PI4K2B: variants seen among roughly 807,000 people sequenced by gnomAD.
The protein encoded by PI4K2B is phosphatidylinositol 4-kinase type 2 beta.
PI4K2B carries 46 observed loss-of-function variants against 56.6 expected under a neutral mutation model. The ratio of observed to expected loss-of-function variants is 0.81; its 90% CI spans 0.64 to 1.04. The LOEUF is 1.04. Ranked by LOEUF, PI4K2B falls within the 50% of genes least tolerant of loss-of-function variation. PI4K2B has a pLI of 0.00. For missense variants in PI4K2B, 556 were observed against 607.7 expected, an observed-to-expected ratio of 0.91 and a Z score of 0.89; for synonymous variants, 211 against 223.8, an observed-to-expected ratio of 0.94 and a Z score of 0.51.
rs373075217 is a variant in PI4K2B, at chr4:25,243,908, G to A, written c.269-8413G>A. Among the ~76,000 whole-genome samples, 95 of 152,272 alleles carry A rather than the reference G, an allele frequency of 6.2e-4. No homozygotes were observed. In the East Asian group the frequency reaches 6.9e-3, roughly 11 times the overall value. Reference sequence around the variant, plus strand: ...CTGGGGATGGCTTGCTGACTGGTAGGGAATTTGTCCCTTTCTTCGGCTGTC... The same window carrying A: ...CTGGGGATGGCTTGCTGACTGGTAGAGAATTTGTCCCTTTCTTCGGCTGTC... On this transcript the variant is annotated intron_variant, in intron 1 of 9. Coordinates refer to ENST00000264864, the MANE Select transcript of PI4K2B (RefSeq NM_018323.4).
At chr4:25,263,071 C>A (rs1210070357) in intron 6 of PI4K2B, among the ~76,000 whole-genome samples, 1 of 152,132 alleles carries the variant, frequency 6.6e-6, no homozygotes. Flanking sequence ...GCTTGCAAAA[C>A]CATCAAATCT....
Position 25,234,436 on chromosome 4 carries a change from G to A in PI4K2B, c.268+5G>A. 1 of 1,326,826 alleles carries A rather than the reference G, an allele frequency of 7.5e-7. No individual in the cohort carries two copies. The highest frequency in any genetic ancestry group is 9.6e-7 in the Non-Finnish European group (1 of 1,038,442). The allele number at this position is 1,326,826 out of a possible 1,614,324, so 82.2% of individuals were successfully genotyped here. ...GGAGCCGCCCCGCGGTTTCAGGTGCGACCCGGCCCTGCCCCACTCCCCGCG... is the reference window on the plus strand; with the variant it reads ...GGAGCCGCCCCGCGGTTTCAGGTGCAACCCGGCCCTGCCCCACTCCCCGCG... On this transcript the variant is annotated splice_donor_5th_base_variant and intron_variant, in intron 1 of 9. Coordinates refer to ENST00000264864, the MANE Select transcript of PI4K2B (RefSeq NM_018323.4).
intron 4 of PI4K2B, among the ~76,000 whole-genome samples, chr4:25,258,001 A>G (rs1444359995): frequency 6.6e-6 from 1 of 152,146 alleles, no homozygotes; most frequent in Non-Finnish European, 1.5e-5. Flanking sequence ...GTTACCTGTT[A>G]CCTGTTTGTC....
chr4:25,237,396 CAG>C (rs1237288802), intron 1 of PI4K2B, among the ~76,000 whole-genome samples: 1 of 151,136 alleles, frequency 6.6e-6, no homozygotes, highest in African/African-American at 2.4e-5. Context: ...AGTGGGGGAA[CAG>C]AGTTTCATTC....
At chr4:25,265,713 C>T (rs1277901274) in intron 7 of PI4K2B, among the ~76,000 whole-genome samples, 4 of 152,066 alleles carry the variant, frequency 2.6e-5, no homozygotes, top group African/African-American at 9.7e-5. Flanking sequence ...AGCATTATTG[C>T]ATTGTGATCT....
In PI4K2B at chr4:25,265,196, A is replaced by G. The variant is rs28369201; in HGVS notation, c.1078+1347A>G. On this transcript the variant is annotated intron_variant, in intron 7 of 9. Transcript: ENST00000264864. ...GGCAACAAGAGTAAATCTCTGTCTC[A>G]CCAAAAAAAAAAAAAAAAAAAAAAA... Among the ~76,000 whole-genome samples the G allele has an allele frequency of 2.8e-3, 398 of 143,944 alleles. 1 individual carries two copies. Among genetic ancestry groups the G allele is most frequent in the African/African-American group, 9.9e-3 (384 of 38,888 alleles). 94.4% of individuals were successfully genotyped at this position (143,944 alleles called of 152,430 possible).
intron 1 of PI4K2B, among the ~76,000 whole-genome samples, chr4:25,251,283 T>C (rs1260466457): frequency 6.6e-6 from 1 of 152,130 alleles, no homozygotes; most frequent in African/African-American, 2.4e-5. Context: ...AATAGGAAGC[T>C]AGATCCTCTC....
At chr4:25,269,621 A>C (rs1330369815) in intron 9 of PI4K2B, among the ~76,000 whole-genome samples, 1 of 150,614 alleles carries the variant, frequency 6.6e-6, no homozygotes, top group Non-Finnish European at 1.5e-5. Flanking sequence ...CCTGAGCAAC[A>C]AGAGCAAAAC....
chr4:25,265,357 C>T (rs1716629556), intron 7 of PI4K2B, among the ~76,000 whole-genome samples: 1 of 151,908 alleles, frequency 6.6e-6, no homozygotes, highest in South Asian at 2.1e-4. Context: ...TCTTTTTCCC[C>T]AGATAATTGC....
At position 25,279,028 on chromosome 4, in the gene PI4K2B, A is replaced by G. The variant is rs1054249655; in HGVS notation, c.*1841A>G. 3 of 151,442 alleles carry G rather than the reference A, an allele frequency of 2.0e-5. No individual in the cohort carries two copies. Among genetic ancestry groups the G allele is most frequent in the African/African-American group, 4.9e-5 (2 of 40,554 alleles). 9.4% of individuals were successfully genotyped at this position (151,442 alleles called of 1,614,324 possible). ...ATTTAAATAGTATGGTTTTTTTTCA[A>G]TAAGTATATTTATAGTGACAAATGT... is the stretch of plus-strand genomic sequence containing the variant. On this transcript the variant is annotated 3_prime_UTR_variant, in exon 10 of 10. Coordinates refer to ENST00000264864, the MANE Select transcript of PI4K2B (RefSeq NM_018323.4).
chr4:25,274,165 C>A (rs994995797), intron 9 of PI4K2B, among the ~76,000 whole-genome samples: 2 of 151,992 alleles, frequency 1.3e-5, no homozygotes, highest in Admixed American at 1.3e-4. Flanking sequence ...TTAAAATCTA[C>A]GAAAAAGTAG....
chr4:25,247,492 A>G (rs1279439560), intron 1 of PI4K2B, among the ~76,000 whole-genome samples: 2 of 152,216 alleles, frequency 1.3e-5, no homozygotes, highest in Non-Finnish European at 2.9e-5. Context: ...ACAGCTTTAT[A>G]GCCTAATGGA....
In PI4K2B at chr4:25,234,219, A is replaced by G; in HGVS notation, c.56A>G (p.Glu19Gly). The change falls in exon 1 of 10, where the codon GAG (glutamate) becomes GGG (glycine). Residue 19 changes from glutamate to glycine, a missense_variant. Physicochemically the swap from Glu to Gly is moderately conservative, Grantham distance 98. Coordinates refer to ENST00000264864, the MANE Select transcript of PI4K2B (RefSeq NM_018323.4). ...GCGTCCGCGGACGGCGGGAGCCCGG[A>G]GGAGGAGGAGGATGGGGAGCGGGAG... ...RLASADGGSP[E>G]EEEDGEREPL... The G allele has an allele frequency of 7.2e-7, 1 of 1,388,948 alleles. No homozygotes were observed. The highest frequency in any genetic ancestry group is 2.9e-5 in the Admixed American group (1 of 34,790). 86.0% of individuals were successfully genotyped at this position (1,388,948 alleles called of 1,614,324 possible). A position where few individuals can be genotyped will look rare whatever the true frequency, so the allele number is the denominator to read the frequency against.
chr4:25,255,523 G>A (rs564737616), intron 3 of PI4K2B, among the ~76,000 whole-genome samples: 1 of 152,312 alleles, frequency 6.6e-6, no homozygotes, highest in Non-Finnish European at 1.5e-5. Context: ...TCAGAAGGCA[G>A]GAAAATATCA....
Position 25,268,515 on chromosome 4 carries a change from C to A in PI4K2B, c.1151C>A (p.Pro384Gln). ...GAAGAAATAAGAAATTTGATTCTAC[C>A]ATATATTTCTGACATGAACTTTGTG... The part of the protein sequence containing the change: ...FSEEIRNLIL[P>Q]YISDMNFVQD... The change falls in exon 8 of 10, where the codon CCA becomes CAA. Residue 384 changes from proline (P) to glutamine (Q), a missense_variant. Transcript: ENST00000264864. 6.3e-7 allele frequency: 1 copy of A among 1,596,308 alleles called. No homozygotes were observed. Among genetic ancestry groups the A allele is most frequent in the Non-Finnish European group, 8.6e-7 (1 of 1,167,376 alleles).
intron 7 of PI4K2B, among the ~76,000 whole-genome samples, chr4:25,266,223 A>T (rs1000076343): frequency 1.3e-5 from 2 of 152,208 alleles, no homozygotes; most frequent in Non-Finnish European, 2.9e-5. Flanking sequence ...GCTGGATTGC[A>T]GTAGCATGCT....
In PI4K2B at chr4:25,234,385, C is replaced by T; in HGVS notation, c.222C>T (p.Ser74=). The change falls in exon 1 of 10, where the codon TCC becomes TCT. Residue 74 remains serine (S), a synonymous_variant. Coordinates refer to ENST00000264864, the MANE Select transcript of PI4K2B (RefSeq NM_018323.4). ...TCCCGCCCGGGGACGTGGGGGTCTC[C>T]CGGAGTTCGTCCGCCGAGCTGGACC... ...LPLPPGDVGV[S]RSSSAELDRS... 7.1e-7 allele frequency: 1 copy of T among 1,399,540 alleles called. No homozygotes were observed. The highest frequency in any genetic ancestry group is 9.3e-7 in the Non-Finnish European group (1 of 1,076,202). The allele number at this position is 1,399,540 out of a possible 1,614,324, so 86.7% of individuals were successfully genotyped here.
At chr4:25,269,549 G>A (rs1716793027) in intron 9 of PI4K2B, among the ~76,000 whole-genome samples, 1 of 150,858 alleles carries the variant, frequency 6.6e-6, no homozygotes, top group South Asian at 2.1e-4. Flanking sequence ...TGCAGCAGGA[G>A]AATCGCTTGA....
At chr4:25,265,281 A>G (rs1716626960) in intron 7 of PI4K2B, among the ~76,000 whole-genome samples, 1 of 149,280 alleles carries the variant, frequency 6.7e-6, no homozygotes, top group Non-Finnish European at 1.5e-5. Context: ...CCTTTTACTC[A>G]TTAGGCTTGC....
Sources: gnomAD v4.1 joint callset for allele counts (sites outside exome capture counted in the v4.1 genomes callset) on GRCh38, gnomAD v4.1.1 for gene constraint, MANE v1.5 for transcripts, NCBI Gene and HGNC (gene_info 2026-07-23, HGNC 2026-07-21) for gene names.